PNKP: variants seen among roughly 807,000 people sequenced by gnomAD.
PNKP encodes polynucleotide kinase 3'-phosphatase, also known as bifunctional polynucleotide phosphatase/kinase.
A neutral mutation model predicts 66.2 loss-of-function variants in PNKP; 82 were observed. The ratio of observed to expected loss-of-function variants is 1.24; its 90% CI spans 1.04 to 1.49. The LOEUF is 1.49. PNKP is among the 40% of genes most tolerant of loss of function. The pLI is 0.00. For synonymous variants in PNKP, 412 were observed against 298.9 expected (o/e 1.38, Z -3.90); for missense variants, 907 against 706.8 (o/e 1.28, Z -3.21).
In PNKP at chr19:49,862,683, C is replaced by G. The variant is rs367738427; in HGVS notation, c.865+7G>C. On this transcript the variant is annotated splice_region_variant and intron_variant, in intron 9 of 16. Transcript: ENST00000322344. Reference sequence around the variant, plus strand: ...CAGCCCACCCTCAGCAGCCTCCAGGCCCTTACCTCCCACAAAGATGCTGTC... The same window carrying G: ...CAGCCCACCCTCAGCAGCCTCCAGGGCCTTACCTCCCACAAAGATGCTGTC... The G allele has an allele frequency of 1.2e-6, 2 of 1,614,114 alleles. No individual in the cohort carries two copies. Among genetic ancestry groups the G allele is most frequent in the Non-Finnish European group, 1.7e-6 (2 of 1,179,980 alleles).
chr19:49,863,911 C>T (rs1220722059), intron 7 of PNKP, 53 bp downstream of exon 7: 30 of 1,484,782 alleles, frequency 2.0e-5, no homozygotes, highest in Non-Finnish European at 2.3e-5. Context: ...CTAAAGCCCT[C>T]GCTCTGGATC....
chr19:49,865,448 C>T (rs3739178), intron 3 of PNKP, 22 bp from the exon 4 acceptor site: 3 of 1,564,182 alleles, frequency 1.9e-6, no homozygotes, highest in South Asian at 1.2e-5. Context: ...GAGGGAGGAG[C>T]TGGGACTGGC....
At chr19:49,862,807 G>A (rs1481790491) in intron 8 of PNKP, 69 bp from the exon 9 acceptor site, 3 of 1,540,264 alleles carry the variant, frequency 1.9e-6, no homozygotes, top group South Asian at 1.1e-5. Flanking sequence ...GGTCCCTGGG[G>A]CTGCTTCGCC....
At chr19:49,863,651 AG>A (rs2074796680) in intron 8 of PNKP, 37 bp downstream of exon 8, 5 of 1,499,998 alleles carry the variant, frequency 3.3e-6, no homozygotes, top group African/African-American at 1.4e-5. Flanking sequence ...GGCTGGAGTG[AG>A]GAAAAGGAGG....
At chr19:49,865,816 G>T (rs2074815648) in intron 3 of PNKP, 4 of 235,294 alleles carry the variant, frequency 1.7e-5, no homozygotes, top group Admixed American at 1.0e-4. Flanking sequence ...GTTTCGCCAT[G>T]TTGGCCAGGC....
chr19:49,861,942 G>C (rs903644862), intron 13 of PNKP, 61 bp from the exon 14 acceptor site: 7 of 1,573,570 alleles, frequency 4.4e-6, no homozygotes, highest in Non-Finnish European at 6.1e-6. Context: ...GACCCCGAGC[G>C]GGGACGGGGA....
chr19:49,866,305 C>A, intron 3 of PNKP, 94 bp downstream of exon 3: 1 of 1,189,218 alleles, frequency 8.4e-7, no homozygotes, highest in South Asian at 1.2e-5. Flanking sequence ...CGGCCCCAAT[C>A]AGATTTTCCT....
chr19:49,867,224 A>G lies in PNKP; in HGVS notation c.-13-7T>C, dbSNP rs1423831048. The G allele has an allele frequency of 5.6e-6, 9 of 1,605,062 alleles. No individual in the cohort carries two copies. In the East Asian group the frequency reaches 1.8e-4, roughly 32 times the overall value. ...GCCCATCCTGGGTGCCGGCCTGGGGAGCAGGTAAACGGGCTTGAGCGGCGC... is the reference window on the plus strand; with the variant it reads ...GCCCATCCTGGGTGCCGGCCTGGGGGGCAGGTAAACGGGCTTGAGCGGCGC... On this transcript the variant is annotated splice_polypyrimidine_tract_variant and splice_region_variant and intron_variant, in intron 1 of 16. Coordinates refer to ENST00000322344, the MANE Select transcript of PNKP (RefSeq NM_007254.4).
chr19:49,866,970 A>C, intron 2 of PNKP, 84 bp downstream of exon 2: 1 of 1,376,042 alleles, frequency 7.3e-7, no homozygotes, highest in Non-Finnish European at 1.0e-6. Context: ...CACCACTGCA[A>C]TCCCGCGTAG....
At chr19:49,866,268 G>A in intron 3 of PNKP, 131 bp downstream of exon 3, 1 of 870,928 alleles carries the variant, frequency 1.1e-6, no homozygotes, top group Non-Finnish European at 2.0e-6. Context: ...CCAAAGTGCT[G>A]GGATTACAGG....
rs748643212 is a variant in PNKP, at chr19:49,862,170, G to A, written c.1126+15C>T. The A allele has an allele frequency of 2.6e-5, 42 of 1,613,450 alleles. No homozygotes were observed. The highest frequency in any genetic ancestry group is 3.4e-5 in the Non-Finnish European group (40 of 1,179,520). On this transcript the variant is annotated intron_variant, in intron 12 of 16. Transcript: ENST00000322344. ...GGCGGGGCTCAGGGCACGCGCACAGGAACAGGACACTTACCCCCAGGGAAT... is the reference window on the plus strand; with the variant it reads ...GGCGGGGCTCAGGGCACGCGCACAGAAACAGGACACTTACCCCCAGGGAAT...
rs979192418 is a variant in PNKP, at chr19:49,865,300, T to A, written c.325A>T (p.Thr109Ser). ...TCTGGCTGGGATTCTGGTGTGCGGGTCTCTTCCCAGCGCAGGGTCAGTGGG... is the reference window on the plus strand; with the variant it reads ...TCTGGCTGGGATTCTGGTGTGCGGGACTCTTCCCAGCGCAGGGTCAGTGGG... ...LHPLTLRWEE[T>S]RTPESQPDTP... is the part of the protein sequence containing the mutation. The change falls in exon 4 of 17, where the codon ACC becomes TCC. Residue 109 changes from threonine to serine, a missense_variant. Transcript: ENST00000322344. 6.2e-7 allele frequency: 1 copy of A among 1,614,058 alleles called. No homozygotes were observed. The highest frequency in any genetic ancestry group is 8.5e-7 in the Non-Finnish European group (1 of 1,180,004).
At chr19:49,862,812 T>A in intron 8 of PNKP, 74 bp from the exon 9 acceptor site, 1 of 1,504,770 alleles carries the variant, frequency 6.6e-7, no homozygotes, top group Non-Finnish European at 9.2e-7. Flanking sequence ...CTGGGGCTGC[T>A]TCGCCTGGTC....
At chr19:49,865,489 A>G in intron 3 of PNKP, 63 bp from the exon 4 acceptor site, 1 of 1,251,432 alleles carries the variant, frequency 8.0e-7, no homozygotes, top group Non-Finnish European at 1.1e-6. Context: ...CCTCCAATCA[A>G]ATACCCAGCG....
intron 3 of PNKP, 147 bp from the exon 4 acceptor site, chr19:49,865,573 G>T: frequency 3.3e-6 from 2 of 609,014 alleles, no homozygotes; most frequent in Non-Finnish European, 5.9e-6. Flanking sequence ...GCTTTGGAAC[G>T]GTTACAGGTT....
At position 49,864,377 on chromosome 19, in the gene PNKP, C is replaced by A. The variant is rs1431267725; in HGVS notation, c.525G>T (p.Thr175=). Residue 175 remains threonine (T), a synonymous_variant, in exon 5 of 17, where the codon ACG becomes ACT. Transcript: ENST00000322344. ...CCTTCCCAGAGCGTGTGGTGATGAG[C>A]GTCCCGTCCAGATCAAAGCCAGCCA... ...GKVAGFDLDG[T]LITTRSGKVF... is the part of the protein sequence containing the mutation. The A allele has an allele frequency of 1.2e-6, 2 of 1,613,848 alleles. No individual in the cohort carries two copies. The highest frequency in any genetic ancestry group is 8.5e-7 in the Non-Finnish European group (1 of 1,179,886).
At position 49,863,974 on chromosome 19, in the gene PNKP, A is replaced by AC. The variant is rs2074799439; in HGVS notation, c.733dup (p.Val245GlyfsTer81). ...CCCTTCCAGCCATACCTGGAAGGGGACCCCCAGCTTCTCCACCACAGCCTC... is the reference window on the plus strand; with the variant it reads ...CCCTTCCAGCCATACCTGGAAGGGGACCCCCCAGCTTCTCCACCACAGCCTC... On this transcript the variant is annotated frameshift_variant, in exon 7 of 17. Coordinates refer to ENST00000322344, the MANE Select transcript of PNKP (RefSeq NM_007254.4). LOFTEE classifies it high-confidence loss of function. 2 of 1,612,316 alleles carry AC rather than the reference A, an allele frequency of 1.2e-6. No individual in the cohort carries two copies. The highest frequency in any genetic ancestry group is 1.7e-6 in the Non-Finnish European group (2 of 1,178,770).
At chr19:49,866,831 C>A in intron 2 of PNKP, 1 of 613,154 alleles carries the variant, frequency 1.6e-6, no homozygotes, top group Non-Finnish European at 2.9e-6. Context: ...GCATCATCCG[C>A]GCAGTGAACA....
At position 49,862,461 on chromosome 19, in the gene PNKP, A is replaced by G. The variant is rs149731642; in HGVS notation, c.939T>C (p.Phe313=). The G allele has an allele frequency of 3.4e-3, 5,381 of 1,591,856 alleles. 13 individuals carry two copies. Among genetic ancestry groups the G allele is most frequent in the Non-Finnish European group, 4.2e-3 (4,902 of 1,169,106 alleles). ...KKDFSCADRL[F]ALNLGLPFAT... ...CGAAGGGCAGGCCAAGGTTGAGGGCAAACTAGGGGTTGAGGACGAACATCA... is the reference window on the plus strand; with the variant it reads ...CGAAGGGCAGGCCAAGGTTGAGGGCGAACTAGGGGTTGAGGACGAACATCA... Residue 313 remains phenylalanine (F), a splice_region_variant and synonymous_variant, in exon 11 of 17, where the codon TTT becomes TTC. Coordinates refer to ENST00000322344, the MANE Select transcript of PNKP (RefSeq NM_007254.4).
Sources: allele counts gnomAD v4.1 joint callset, GRCh38; gene constraint gnomAD v4.1.1; transcripts MANE v1.5; gene names NCBI Gene and HGNC (gene_info 2026-07-23, HGNC 2026-07-21).